Variants in GPHN observed in about 807,000 individuals in gnomAD.
GPHN encodes gephyrin.
In GPHN, 17 loss-of-function variants were observed where a neutral mutation model predicts 95.5. The observed-to-expected ratio is 0.18, with a 90% CI of 0.12 to 0.27. The LOEUF is 0.27. Ranked by LOEUF, GPHN falls within the 10% of genes least tolerant of loss-of-function variation. The pLI, the probability that GPHN is intolerant of heterozygous loss-of-function variation, is 1.00. For synonymous variants in GPHN, 320 were observed against 322.5 expected, an observed-to-expected ratio of 0.99 and a Z score of 0.08; for missense variants, 660 against 978.1, an observed-to-expected ratio of 0.67 and a Z score of 4.34.
At chr14:67,695,754 G>A in the GPHN span, 5 of 1,550,192 alleles carry the variant, frequency 3.2e-6, no homozygotes, top group South Asian at 1.1e-5. Flanking sequence ...GTTGCTCGCC[G>A]ACTATGGCTT....
chr14:66,950,273 C>G (rs1346892404), intron 8 of GPHN, among the ~76,000 whole-genome samples: 2 of 152,046 alleles, frequency 1.3e-5, no homozygotes, highest in Non-Finnish European at 2.9e-5. Context: ...CTCATTTGTT[C>G]TGATTTAACT....
chr14:66,924,110 C>CT (rs2066353787), intron 7 of GPHN, 84 bp from the exon 8 acceptor site: 5 of 784,856 alleles, frequency 6.4e-6, no homozygotes, highest in African/African-American at 1.7e-5. Flanking sequence ...TTGTTTTTAC[C>CT]TTTTTTCCTT....
At chr14:66,913,941 A>G (rs1240958780) in intron 5 of GPHN, among the ~76,000 whole-genome samples, 1 of 152,174 alleles carries the variant, frequency 6.6e-6, no homozygotes, top group Non-Finnish European at 1.5e-5. Context: ...GTGACTCTGG[A>G]CATTCTATAG....
intron 1 of GPHN, among the ~76,000 whole-genome samples, chr14:66,610,288 C>T (rs1405172696): frequency 1.3e-5 from 2 of 152,174 alleles, no homozygotes; most frequent in Non-Finnish European, 1.5e-5. Context: ...TCTGACTTGT[C>T]GCTCTTTTGT....
At chr14:67,174,528 T>C (rs111887879) in intron 21 of GPHN, among the ~76,000 whole-genome samples, 10,031 of 152,220 alleles carry the variant, frequency 0.066, 349 homozygotes, top group Middle Eastern at 0.085. Flanking sequence ...GTGAATAGTG[T>C]CGCGATAAAC....
the GPHN span, among the ~76,000 whole-genome samples, chr14:67,474,966 A>C: frequency 1.5e-5 from 2 of 130,808 alleles, no homozygotes; most frequent in Non-Finnish European, 3.0e-5. Context: ...TCCAGGCTGG[A>C]GTGCAGTGGC....
chr14:67,208,400 G>C, the GPHN span: 1 of 1,613,886 alleles, frequency 6.2e-7, no homozygotes, highest in African/African-American at 1.3e-5. Flanking sequence ...GACCTCTGAA[G>C]AAAAGATGCC....
intron 1 of GPHN, among the ~76,000 whole-genome samples, chr14:66,551,750 A>G (rs746397064): frequency 1.3e-5 from 2 of 152,192 alleles, no homozygotes; most frequent in Admixed American, 6.5e-5. Context: ...GGAAGCAGGC[A>G]TGTCTTACAT....
chr14:67,700,122 G>C, the GPHN span, among the ~76,000 whole-genome samples: 1 of 150,484 alleles, frequency 6.6e-6, no homozygotes, highest in African/African-American at 2.4e-5. Context: ...CCTGGAGACA[G>C]AGCGAGAAAA....
the GPHN span, among the ~76,000 whole-genome samples, chr14:67,723,893 G>A: frequency 4.6e-5 from 7 of 152,262 alleles, no homozygotes; most frequent in Admixed American, 3.3e-4. Context: ...GTTTGCCATC[G>A]GCCAGAATGA....
the GPHN span, among the ~76,000 whole-genome samples, chr14:67,508,767 A>AAAAAAAC: frequency 6.6e-6 from 1 of 150,882 alleles, no homozygotes; most frequent in African/African-American, 2.4e-5. Flanking sequence ...AAAAAAAAAA[A>AAAAAAAC]AAAACAGAAG....
chr14:67,108,489 A>T (rs1205393863), intron 13 of GPHN, among the ~76,000 whole-genome samples: 2 of 152,180 alleles, frequency 1.3e-5, no homozygotes, highest in African/African-American at 4.8e-5. Context: ...AAAATGAAAC[A>T]AATCTTTGTC....
chr14:67,691,189 G>A, the GPHN span: 9 of 1,613,966 alleles, frequency 5.6e-6, no homozygotes, highest in Non-Finnish European at 7.6e-6. Context: ...CTGTCTTCGA[G>A]TACGGACACA....
chr14:66,907,956 A>G (rs1023188697), intron 5 of GPHN, among the ~76,000 whole-genome samples: 7 of 152,096 alleles, frequency 4.6e-5, no homozygotes, highest in Admixed American at 6.6e-5. Flanking sequence ...AGTTGGAGAC[A>G]TCAGTATGAA....
chr14:67,323,232 CGTGTGTGTGT>C, the GPHN span, among the ~76,000 whole-genome samples: 11 of 143,590 alleles, frequency 7.7e-5, no homozygotes, highest in South Asian at 2.4e-4. Flanking sequence ...CATATATACA[CGTGTGTGTGT>C]GTGTGTGTGT....
At chr14:67,085,225 C>G (rs536667178) in intron 11 of GPHN, among the ~76,000 whole-genome samples, 1 of 152,232 alleles carries the variant, frequency 6.6e-6, no homozygotes, top group East Asian at 1.9e-4. Flanking sequence ...CAAATGTTAT[C>G]AAATTATTAT....
the GPHN span, chr14:67,201,686 G>C: frequency 2.7e-6 from 1 of 368,190 alleles, no homozygotes; most frequent in Admixed American, 3.3e-5. Context: ...CATCATCCCT[G>C]AGCCATGATA....
At chr14:67,051,853 C>A (rs144269771) in intron 10 of GPHN, among the ~76,000 whole-genome samples, 1 of 152,250 alleles carries the variant, frequency 6.6e-6, no homozygotes, top group East Asian at 1.9e-4. Context: ...TCATAACCAG[C>A]CAAACTAAAC....
At chr14:67,071,485 G>T (rs2076305562) in intron 11 of GPHN, among the ~76,000 whole-genome samples, 1 of 151,834 alleles carries the variant, frequency 6.6e-6, no homozygotes, top group Non-Finnish European at 1.5e-5. Flanking sequence ...GCCTGTTATG[G>T]GATGGGGGGA....
Sources: gnomAD v4.1 joint callset for allele counts (sites outside exome capture counted in the v4.1 genomes callset) on GRCh38, gnomAD v4.1.1 for gene constraint, MANE v1.5 for transcripts, NCBI Gene and HGNC (gene_info 2026-07-23, HGNC 2026-07-21) for gene names.